Variants in PIP4K2B observed in about 807,000 individuals in gnomAD.
PIP4K2B encodes phosphatidylinositol-5-phosphate 4-kinase type 2 beta.
A neutral mutation model predicts 42.0 loss-of-function variants in PIP4K2B; 3 were observed. The observed-to-expected ratio is 0.07, with a 90% CI of 0.03 to 0.18. PIP4K2B has a LOEUF of 0.18. Ranked by LOEUF, PIP4K2B falls within the 10% of genes least tolerant of loss-of-function variation. The probability of loss-of-function intolerance (pLI) is 1.00; values close to 1 mark genes in which losing one functional copy is unlikely to be tolerated. For missense variants in PIP4K2B, 332 were observed against 562.3 expected, an observed-to-expected ratio of 0.59 and a Z score of 4.14; for synonymous variants, 204 against 210.1, an observed-to-expected ratio of 0.97 and a Z score of 0.25.
intron 7 of PIP4K2B, chr17:38,776,158 CTG>C: frequency 2.7e-6 from 1 of 367,140 alleles, no homozygotes; most frequent in South Asian, 2.0e-5. Context: ...TCAGTAGAGA[CTG>C]GGTTTCTCCA....
intron 3 of PIP4K2B, among the ~76,000 whole-genome samples, chr17:38,781,908 G>A (rs1909740146): frequency 6.6e-6 from 1 of 152,038 alleles, no homozygotes; most frequent in South Asian, 2.1e-4. Flanking sequence ...GAACTCCTGG[G>A]CTCAAGGGAT....
At chr17:38,792,568 T>A (rs1226706513) in intron 1 of PIP4K2B, among the ~76,000 whole-genome samples, 1 of 152,256 alleles carries the variant, frequency 6.6e-6, no homozygotes, top group Non-Finnish European at 1.5e-5. Flanking sequence ...CTGTGCGACC[T>A]TCATAGGAAT....
chr17:38,795,188 G>A (rs1384355208), intron 1 of PIP4K2B, among the ~76,000 whole-genome samples: 1 of 151,456 alleles, frequency 6.6e-6, no homozygotes, highest in Non-Finnish European at 1.5e-5. Context: ...ATCTGATAAG[G>A]GACCTGTATC....
chr17:38,781,143 T>C (rs375334409), intron 3 of PIP4K2B, among the ~76,000 whole-genome samples: 13 of 152,142 alleles, frequency 8.5e-5, no homozygotes, highest in African/African-American at 3.1e-4. Flanking sequence ...TCTACCCTAA[T>C]GCTGAAAAAC....
intron 7 of PIP4K2B, chr17:38,776,694 A>G (rs540652760): frequency 2.5e-4 from 98 of 392,578 alleles, no homozygotes; most frequent in Non-Finnish European, 4.7e-4. Context: ...TACCACAATT[A>G]AAAAAAATTT....
In PIP4K2B at chr17:38,769,541, G is replaced by C. The variant is rs1294521687; in HGVS notation, c.*150C>G. ...CTCCTCTTCAGCTAAAGTCTCTTTCGGTGTCACAGGCTGCAGTCTCATTGC... is the reference window on the plus strand; with the variant it reads ...CTCCTCTTCAGCTAAAGTCTCTTTCCGTGTCACAGGCTGCAGTCTCATTGC... On this transcript the variant is annotated 3_prime_UTR_variant, in exon 10 of 10. Coordinates refer to ENST00000619039, the MANE Select transcript of PIP4K2B (RefSeq NM_003559.5). The C allele has an allele frequency of 1.4e-6, 1 of 689,740 alleles. No individual in the cohort carries two copies. The highest frequency in any genetic ancestry group is 1.7e-5 in the African/African-American group (1 of 57,206). The allele number at this position is 689,740 out of a possible 1,614,324, so 42.7% of individuals were successfully genotyped here. A position where few individuals can be genotyped will look rare whatever the true frequency, so the allele number is the denominator to read the frequency against.
chr17:38,790,851 G>C (rs1910306881), intron 1 of PIP4K2B, among the ~76,000 whole-genome samples: 1 of 152,156 alleles, frequency 6.6e-6, no homozygotes, highest in Non-Finnish European at 1.5e-5. Context: ...GCCACATGTA[G>C]ATGATTCACT....
In PIP4K2B at chr17:38,779,533, G is replaced by T. The variant is rs1909576233; in HGVS notation, c.508-4C>A. On this transcript the variant is annotated splice_region_variant and splice_polypyrimidine_tract_variant and intron_variant, in intron 4 of 9. Transcript: ENST00000619039. ...TGCCATGACACTCCACTATAAACTA[G>T]AATGGAAAGGAAGAAGAGAGAGGAC... is the stretch of plus-strand genomic sequence containing the variant. The T allele has an allele frequency of 6.2e-7, 1 of 1,611,212 alleles. No individual in the cohort carries two copies. The highest frequency in any genetic ancestry group is 8.5e-7 in the Non-Finnish European group (1 of 1,177,554).
intron 3 of PIP4K2B, among the ~76,000 whole-genome samples, chr17:38,782,865 A>G (rs920409221): frequency 5.3e-5 from 8 of 152,124 alleles, no homozygotes; most frequent in Admixed American, 4.6e-4. Flanking sequence ...GCTATGGGGA[A>G]AAGTTTTCTC....
chr17:38,773,392 A>G lies in PIP4K2B; in HGVS notation c.808-2120T>C, dbSNP rs537745363. Among the ~76,000 whole-genome samples, 8 of 152,272 alleles carry G rather than the reference A, an allele frequency of 5.3e-5. No homozygotes were observed. The East Asian group carries it at 1.5e-3, about 29-fold the overall frequency. ...TGGTGCTGGGGGAAAGTCCTCCCCT[A>G]GCATCATGTGACTCCCCTTGCCAAG... On this transcript the variant is annotated intron_variant, in intron 7 of 9. Transcript: ENST00000619039.
chr17:38,765,733 G>C lies in PIP4K2B; in HGVS notation c.*3958C>G, dbSNP rs1039146668. 2.6e-5 allele frequency: 4 copies of C among 152,478 alleles called. No individual in the cohort carries two copies. Among genetic ancestry groups the C allele is most frequent in the Admixed American group, 1.3e-4 (2 of 15,284 alleles). 9.4% of individuals were successfully genotyped at this position (152,478 alleles called of 1,614,324 possible). A position where few individuals can be genotyped will look rare whatever the true frequency, so the allele number is the denominator to read the frequency against. ...GTTTTATTTTTTTCCTCAGGTTGGAGATTCATCGTAACATGCATGCATTTT... is the reference window on the plus strand; with the variant it reads ...GTTTTATTTTTTTCCTCAGGTTGGACATTCATCGTAACATGCATGCATTTT... On this transcript the variant is annotated 3_prime_UTR_variant, in exon 10 of 10. Transcript: ENST00000619039.
At chr17:38,775,575 T>C (rs1438515310) in intron 7 of PIP4K2B, among the ~76,000 whole-genome samples, 1 of 151,972 alleles carries the variant, frequency 6.6e-6, no homozygotes, top group East Asian at 2.0e-4. Flanking sequence ...AAAGAAATTC[T>C]GGCCAGGTGT....
Position 38,777,607 on chromosome 17 carries a change from C to T in PIP4K2B, c.807+80G>A. The T allele has an allele frequency of 7.4e-6, 7 of 940,012 alleles. No homozygotes were observed. In the South Asian group the frequency reaches 9.4e-5, roughly 13 times the overall value. The allele number at this position is 940,012 out of a possible 1,614,324, so 58.2% of individuals were successfully genotyped here. ...CCATACTCCTGGAAAGTACTGAATT[C>T]CATTCTTCTTAAGGTTTAAGAGGCG... is the stretch of plus-strand genomic sequence containing the variant. On this transcript the variant is annotated intron_variant, in intron 7 of 9. Coordinates refer to ENST00000619039, the MANE Select transcript of PIP4K2B (RefSeq NM_003559.5).
In PIP4K2B at chr17:38,786,938, C is replaced by A; in HGVS notation, c.160-18G>T. ...TCATTGATCTGAAAAGCAAGGAGAA[C>A]GTAAGGCTCTCAGCCAGGAGGCCAC... On this transcript the variant is annotated intron_variant, in intron 1 of 9. Coordinates refer to ENST00000619039, the MANE Select transcript of PIP4K2B (RefSeq NM_003559.5). The A allele has an allele frequency of 1.3e-6, 2 of 1,565,580 alleles. No individual in the cohort carries two copies. The highest frequency in any genetic ancestry group is 2.2e-5 in the South Asian group (2 of 90,144).
Position 38,777,661 on chromosome 17 carries a change from A to G in PIP4K2B, c.807+26T>C, listed in dbSNP as rs199614946. On this transcript the variant is annotated intron_variant, in intron 7 of 9. Coordinates refer to ENST00000619039, the MANE Select transcript of PIP4K2B (RefSeq NM_003559.5). ...ACTCTAGGTACAGAAGGAGCCTTGC[A>G]GGTGAAAATGAAGGTTAGTAAGTAC... The G allele has an allele frequency of 4.0e-5, 57 of 1,421,284 alleles. 1 individual carries two copies. In the South Asian group the frequency reaches 6.2e-4, roughly 15 times the overall value. The allele number at this position is 1,421,284 out of a possible 1,614,324, so 88.0% of individuals were successfully genotyped here.
At chr17:38,769,993 A>T (rs1410800896) in intron 9 of PIP4K2B, among the ~76,000 whole-genome samples, 1 of 152,100 alleles carries the variant, frequency 6.6e-6, no homozygotes, top group African/African-American at 2.4e-5. Context: ...CCTGCACCGA[A>T]GTAGAAGAAA....
chr17:38,780,472 T>G lies in PIP4K2B; in HGVS notation c.487A>C (p.Ile163Leu). Reference sequence around the variant, plus strand: ...CATACCTGGTGGTATTTCTTTAAGATGTTGTGCATCTCCGCCACGTCCTCG... The same window carrying G: ...CATACCTGGTGGTATTTCTTTAAGAGGTTGTGCATCTCCGCCACGTCCTCG... ...SSEDVAEMHN[I>L]LKKYHQFIVE... The change falls in exon 4 of 10, where the codon ATC (isoleucine) becomes CTC (leucine). Residue 163 changes from isoleucine (I) to leucine (L), a missense_variant. Coordinates refer to ENST00000619039, the MANE Select transcript of PIP4K2B (RefSeq NM_003559.5). 6.2e-7 allele frequency: 1 copy of G among 1,612,636 alleles called. No homozygotes were observed. The highest frequency in any genetic ancestry group is 8.5e-7 in the Non-Finnish European group (1 of 1,178,792).
chr17:38,784,162 G>A lies in PIP4K2B; in HGVS notation c.354+81C>T, dbSNP rs189686657. 6.9e-4 allele frequency: 582 copies of A among 840,168 alleles called. 11 individuals are homozygous for A. The South Asian group carries it at 7.9e-3, about 11-fold the overall frequency. The allele number at this position is 840,168 out of a possible 1,614,324, so 52.0% of individuals were successfully genotyped here. On this transcript the variant is annotated intron_variant, in intron 3 of 9. Transcript: ENST00000619039. Reference sequence around the variant, plus strand: ...GACACAGCACAAAAACAGCCAACACGTTTTGATTCTCTACCTGTCCTGTGG... The same window carrying A: ...GACACAGCACAAAAACAGCCAACACATTTTGATTCTCTACCTGTCCTGTGG...
intron 2 of PIP4K2B, 122 bp downstream of exon 2, chr17:38,786,701 G>T: frequency 1.4e-6 from 1 of 729,280 alleles, no homozygotes; most frequent in East Asian, 2.5e-5. Flanking sequence ...TGAGATCCAG[G>T]TGCTGCTGTC....
Sources: gnomAD v4.1 joint callset for allele counts (sites outside exome capture counted in the v4.1 genomes callset) on GRCh38, gnomAD v4.1.1 for gene constraint, MANE v1.5 for transcripts, NCBI Gene and HGNC (gene_info 2026-07-23, HGNC 2026-07-21) for gene names.